The following ALK variants were observed in gnomAD, a reference collection of about 807,000 sequenced individuals.
ALK encodes the protein ALK receptor tyrosine kinase.
Under a neutral mutation model 163.1 loss-of-function variants are expected in ALK, and 74 were observed. The observed-to-expected ratio is 0.45, with a 90% CI of 0.38 to 0.55. ALK has a LOEUF of 0.55. Ranked by LOEUF, ALK falls within the 20% of genes least tolerant of loss-of-function variation. ALK has a pLI of 0.00. For missense variants in ALK, 2,063 were observed against 2,105.3 expected (o/e 0.98, Z 0.39); for synonymous variants, 960 against 843.2 (o/e 1.14, Z -2.40).
chr2:29,521,219 A>G (rs1672803276), intron 4 of ALK, among the ~76,000 whole-genome samples: 2 of 152,102 alleles, frequency 1.3e-5, no homozygotes, highest in African/African-American at 4.8e-5. Flanking sequence ...TCCTCAGGTA[A>G]CCTGGTGCCC....
At chr2:29,348,238 G>A (rs140710697) in intron 5 of ALK, among the ~76,000 whole-genome samples, 19 of 152,252 alleles carry the variant, frequency 1.2e-4, no homozygotes, top group African/African-American at 4.1e-4. Context: ...TGGCATACTC[G>A]ACCCAGCCAG....
chr2:29,542,171 G>C (rs926913242), intron 3 of ALK, among the ~76,000 whole-genome samples: 1 of 152,156 alleles, frequency 6.6e-6, no homozygotes, highest in African/African-American at 2.4e-5. Flanking sequence ...CAAAGGGAAA[G>C]TTTTCCCTCG....
At chr2:29,380,963 A>C (rs995412863) in intron 5 of ALK, among the ~76,000 whole-genome samples, 1 of 152,214 alleles carries the variant, frequency 6.6e-6, no homozygotes, top group African/African-American at 2.4e-5. Flanking sequence ...TCTAGAGGTA[A>C]AGGTTCTGGC....
chr2:29,736,591 A>G (rs996166387), intron 1 of ALK, among the ~76,000 whole-genome samples: 5 of 152,086 alleles, frequency 3.3e-5, no homozygotes, highest in Non-Finnish European at 5.9e-5. Flanking sequence ...CTAAGTAAAT[A>G]AAAGAGGACC....
chr2:29,482,701 T>A (rs1460784190), intron 4 of ALK, among the ~76,000 whole-genome samples: 1 of 151,504 alleles, frequency 6.6e-6, no homozygotes, highest in Non-Finnish European at 1.5e-5. Flanking sequence ...TTTTAGCTGA[T>A]GACAGAGCAG....
At chr2:29,715,548 C>G (rs1679223900) in intron 2 of ALK, among the ~76,000 whole-genome samples, 1 of 152,192 alleles carries the variant, frequency 6.6e-6, no homozygotes, top group South Asian at 2.1e-4. Flanking sequence ...TCATGATTTT[C>G]TCCTTTTGAC....
chr2:29,509,910 T>C (rs1293089827), intron 4 of ALK, among the ~76,000 whole-genome samples: 1 of 152,116 alleles, frequency 6.6e-6, no homozygotes, highest in African/African-American at 2.4e-5. Flanking sequence ...GCAATTGTGA[T>C]CTGTTTGTGG....
chr2:29,421,956 T>G (rs906248529), intron 4 of ALK, among the ~76,000 whole-genome samples: 2 of 151,722 alleles, frequency 1.3e-5, no homozygotes, highest in South Asian at 4.1e-4. Flanking sequence ...ACAGCTAACC[T>G]CTCTTTTTCT....
intron 11 of ALK, among the ~76,000 whole-genome samples, chr2:29,257,124 G>A (rs1335295585): frequency 2.0e-5 from 3 of 152,070 alleles, no homozygotes; most frequent in Admixed American, 2.0e-4. Context: ...TGGAGCTGTA[G>A]GATGATCAAA....
At chr2:29,598,027 A>G (rs1037662707) in intron 3 of ALK, among the ~76,000 whole-genome samples, 2 of 152,172 alleles carry the variant, frequency 1.3e-5, no homozygotes, top group African/African-American at 4.8e-5. Context: ...AGAGGTTCAG[A>G]GAGTACTGTT....
At chr2:29,196,404 C>T (rs1669024126) in intron 28 of ALK, among the ~76,000 whole-genome samples, 1 of 152,118 alleles carries the variant, frequency 6.6e-6, no homozygotes, top group South Asian at 2.1e-4. Context: ...GTTGTTATTT[C>T]TCCAGCCAGG....
chr2:29,757,510 T>C (rs764831413), intron 1 of ALK, among the ~76,000 whole-genome samples: 10 of 152,208 alleles, frequency 6.6e-5, no homozygotes, highest in Non-Finnish European at 1.5e-4. Context: ...TGTCTAGTTT[T>C]ATTTGAATTT....
intron 15 of ALK, among the ~76,000 whole-genome samples, chr2:29,230,855 C>T (rs61072147): frequency 0.012 from 1,892 of 152,228 alleles, 44 homozygotes; most frequent in African/African-American, 0.043. Flanking sequence ...TGTTTGTGCA[C>T]GGCTGTGAGT....
intron 4 of ALK, among the ~76,000 whole-genome samples, chr2:29,490,462 C>A (rs893423247): frequency 6.6e-6 from 1 of 152,206 alleles, no homozygotes; most frequent in African/African-American, 2.4e-5. Context: ...GCGGCATCAG[C>A]ATCATCTGGG....
rs1425828384 is a variant in ALK at position 29,328,421 on chromosome 2, A to T, written c.1343T>A (p.Val448Asp). The change falls in exon 6 of 29, where the codon GTC (valine) becomes GAC (aspartate). Residue 448 changes from valine (V) to aspartate (D), a missense_variant. Transcript: ENST00000389048. ...QSSFTCWNGT[V>D]LQLGQACDFH... The stretch of plus-strand genomic sequence containing the variant: ...GTCACAGGCCTGCCCAAGCTGGAGG[A>T]CTGTCCCATTCCAACAAGTGAAGGA... The T allele has an allele frequency of 6.2e-7, 1 of 1,614,164 alleles. No homozygotes were observed. Among genetic ancestry groups the T allele is most frequent in the Middle Eastern group, 1.6e-4 (1 of 6,062 alleles).
intron 1 of ALK, among the ~76,000 whole-genome samples, chr2:29,852,257 G>A (rs60236433): frequency 1.3e-5 from 2 of 152,172 alleles, no homozygotes; most frequent in African/African-American, 2.4e-5. Context: ...TGGCATGGCA[G>A]CCTTCCCCCA....
chr2:29,702,196 G>A (rs965449448), intron 2 of ALK, among the ~76,000 whole-genome samples: 3 of 152,040 alleles, frequency 2.0e-5, no homozygotes, highest in Non-Finnish European at 4.4e-5. Context: ...CTATTTCTCA[G>A]GATGGACAGG....
chr2:29,327,000 C>T (rs966008295), intron 6 of ALK, among the ~76,000 whole-genome samples: 2 of 152,196 alleles, frequency 1.3e-5, no homozygotes, highest in Admixed American at 1.3e-4. Context: ...GCTTTCAGTG[C>T]TTTGAGGGAA....
intron 4 of ALK, among the ~76,000 whole-genome samples, chr2:29,482,610 A>G (rs954555934): frequency 2.6e-5 from 4 of 152,112 alleles, no homozygotes; most frequent in African/African-American, 9.7e-5. Flanking sequence ...TTCCTCAGTT[A>G]TTTACGGCAT....
Sources: gnomAD v4.1 joint callset for allele counts (sites outside exome capture counted in the v4.1 genomes callset) on GRCh38, gnomAD v4.1.1 for gene constraint, MANE v1.5 for transcripts, NCBI Gene and HGNC (gene_info 2026-07-23, HGNC 2026-07-21) for gene names.